MICAL3: variants seen among roughly 807,000 people sequenced by gnomAD.
The protein encoded by MICAL3 is [F-actin]-monooxygenase MICAL3.
In MICAL3, 62 loss-of-function variants were observed where a neutral mutation model predicts 207.4. The observed-to-expected ratio is 0.30, with a 90% CI of 0.24 to 0.37. The LOEUF (loss-of-function observed/expected upper bound fraction) is 0.37, where lower values mean the gene tolerates loss of function less well. MICAL3 is among the 10% of genes least tolerant of loss of function. The pLI is 1.00. For synonymous variants in MICAL3, 1,077 were observed against 1,069.3 expected (o/e 1.01, Z -0.14); for missense variants, 2,368 against 2,635.6 (o/e 0.90, Z 2.22).
At chr22:17,930,737 C>G (rs28655997) in intron 1 of MICAL3, among the ~76,000 whole-genome samples, 4,349 of 152,292 alleles carry the variant, frequency 0.029, 194 homozygotes, top group African/African-American at 0.094. Flanking sequence ...CAGTTAGAGT[C>G]TGAGTTAGAA....
intron 1 of MICAL3, among the ~76,000 whole-genome samples, chr22:18,018,768 CT>C (rs1569169322): frequency 5.9e-4 from 82 of 138,282 alleles, no homozygotes; most frequent in Admixed American, 3.3e-3. Context: ...ATCTATCTAT[CT>C]ACACACACAC....
At chr22:17,864,382 G>C in intron 19 of MICAL3, 3 of 1,313,000 alleles carry the variant, frequency 2.3e-6, no homozygotes, top group South Asian at 1.8e-5. Context: ...ACAGTGACAG[G>C]GAACAGGACG....
intron 15 of MICAL3, 56 bp from the exon 16 acceptor site, chr22:17,886,107 C>T: frequency 6.3e-7 from 1 of 1,588,144 alleles, no homozygotes; most frequent in Non-Finnish European, 8.6e-7. Flanking sequence ...TCCCCCCATG[C>T]CCCTCCCTCA....
Position 17,791,091 on chromosome 22 carries a change from G to A in MICAL3, c.5751-20C>T. The A allele has an allele frequency of 6.2e-7, 1 of 1,609,616 alleles. No individual in the cohort carries two copies. Among genetic ancestry groups the A allele is most frequent in the Non-Finnish European group, 8.5e-7 (1 of 1,178,784 alleles). On this transcript the variant is annotated intron_variant, in intron 30 of 31. Transcript: ENST00000441493. The stretch of plus-strand genomic sequence containing the variant: ...CGGGCACTGAGGAGGCAGGGCAGGA[G>A]GGAGACAAGCCACAGTGACTGGGGA...
intron 1 of MICAL3, among the ~76,000 whole-genome samples, chr22:17,977,640 G>A (rs957789755): frequency 2.0e-5 from 3 of 152,218 alleles, no homozygotes; most frequent in African/African-American, 2.4e-5. Context: ...TGCAACTTTG[G>A]AAAAGTTTGA....
At position 17,887,483 on chromosome 22, in the gene MICAL3, G is replaced by A. The variant is rs375664360; in HGVS notation, c.1892-48C>T. The stretch of plus-strand genomic sequence containing the variant: ...TTCAAGCACAGCCCTTGAGGGCGCC[G>A]CAAAATCCTGACCAAAACTACTCTC... On this transcript the variant is annotated intron_variant, in intron 13 of 31. Transcript: ENST00000441493. 262 of 1,326,884 alleles carry A rather than the reference G, an allele frequency of 2.0e-4. 1 individual carries two copies. Among genetic ancestry groups the A allele is most frequent in the South Asian group, 3.2e-4 (26 of 80,162 alleles). 82.2% of individuals were successfully genotyped at this position (1,326,884 alleles called of 1,614,324 possible). A position where few individuals can be genotyped will look rare whatever the true frequency, so the allele number is the denominator to read the frequency against.
chr22:17,964,848 T>G (rs1487022007), intron 1 of MICAL3, among the ~76,000 whole-genome samples: 1 of 152,226 alleles, frequency 6.6e-6, no homozygotes, highest in Non-Finnish European at 1.5e-5. Context: ...GCTGGGACAC[T>G]GGCTGGTTCA....
chr22:17,853,008 G>A (rs1346977883), intron 19 of MICAL3, among the ~76,000 whole-genome samples: 2 of 151,696 alleles, frequency 1.3e-5, no homozygotes, highest in Non-Finnish European at 2.9e-5. Context: ...CTGGGAGATG[G>A]AGGCTGCAGT....
intron 16 of MICAL3, chr22:17,876,790 TTAGGGAAGTTATG>T (rs1928462759): frequency 7.9e-6 from 1 of 126,144 alleles, no homozygotes; most frequent in Non-Finnish European, 1.7e-5. Context: ...GTTAGGGAGG[TTAGGGAAGTTATG>T]GAGGTTAGGG....
chr22:17,859,723 C>A (rs548840462), intron 19 of MICAL3, among the ~76,000 whole-genome samples: 126 of 152,292 alleles, frequency 8.3e-4, no homozygotes, highest in African/African-American at 3.0e-3. Context: ...GACAGACACG[C>A]CCCTGGCCCC....
At chr22:17,965,137 A>C (rs1005395100) in intron 1 of MICAL3, among the ~76,000 whole-genome samples, 3 of 151,376 alleles carry the variant, frequency 2.0e-5, no homozygotes, top group Non-Finnish European at 4.4e-5. Flanking sequence ...ATTTAAAAAG[A>C]AGAGAGTTTG....
intron 1 of MICAL3, among the ~76,000 whole-genome samples, chr22:17,930,952 ACAG>A (rs1332811148): frequency 6.6e-6 from 1 of 152,210 alleles, no homozygotes; most frequent in Non-Finnish European, 1.5e-5. Flanking sequence ...ACCCAACTGG[ACAG>A]CAGCTTCCCA....
chr22:17,938,450 T>C (rs1459255903), intron 1 of MICAL3, among the ~76,000 whole-genome samples: 1 of 152,064 alleles, frequency 6.6e-6, no homozygotes, highest in African/African-American at 2.4e-5. Flanking sequence ...ACAGATTTGG[T>C]AGGGGTGGGC....
intron 1 of MICAL3, among the ~76,000 whole-genome samples, chr22:17,942,148 G>A (rs773659867): frequency 6.6e-6 from 1 of 152,224 alleles, no homozygotes; most frequent in Non-Finnish European, 1.5e-5. Flanking sequence ...CTCTCCAGAG[G>A]TGCAGCCACA....
chr22:17,886,135 C>G lies in MICAL3; in HGVS notation c.2068-84G>C, dbSNP rs1179086371. 6.2e-6 allele frequency: 9 copies of G among 1,454,558 alleles called. No individual in the cohort carries two copies. The African/African-American group carries it at 8.3e-5, about 13-fold the overall frequency. 90.1% of individuals were successfully genotyped at this position (1,454,558 alleles called of 1,614,324 possible). On this transcript the variant is annotated intron_variant, in intron 15 of 31. Coordinates refer to ENST00000441493, the MANE Select transcript of MICAL3 (RefSeq NM_015241.3). The stretch of plus-strand genomic sequence containing the variant: ...CTCCCTCACAGAAGTGCACTCAGGA[C>G]CTGGCATGGGGGCTGGTGGACTGGC...
chr22:17,998,171 G>A (rs1922509043), intron 1 of MICAL3, among the ~76,000 whole-genome samples: 1 of 152,192 alleles, frequency 6.6e-6, no homozygotes, highest in Non-Finnish European at 1.5e-5. Context: ...GGGCGTGGTG[G>A]CAGGTGCCTG....
At chr22:17,822,268 A>G (rs1921726220) in intron 23 of MICAL3, 98 bp from the exon 24 acceptor site, 1 of 1,430,092 alleles carries the variant, frequency 7.0e-7, no homozygotes, top group African/African-American at 1.4e-5. Flanking sequence ...TTTGCAACAC[A>G]GCTGCTCAGG....
intron 1 of MICAL3, among the ~76,000 whole-genome samples, chr22:17,935,116 G>A (rs1316818759): frequency 6.6e-6 from 1 of 152,096 alleles, no homozygotes; most frequent in Non-Finnish European, 1.5e-5. Context: ...AGCCCGCATT[G>A]CCAAGACAAT....
In MICAL3 at chr22:17,822,302, C is replaced by T. The variant is rs561329007; in HGVS notation, c.3308-132G>A. On this transcript the variant is annotated intron_variant, in intron 23 of 31. Transcript: ENST00000441493. ...GGTGCAGGCCTGGAGGCCCTTCTTA[C>T]GCAGGGACAGACCTGCCTACCAGAC... The T allele has an allele frequency of 3.6e-4, 434 of 1,195,956 alleles. 5 individuals are homozygous for T. The South Asian group carries it at 6.1e-3, about 17-fold the overall frequency. 74.1% of individuals were successfully genotyped at this position (1,195,956 alleles called of 1,614,324 possible). A position where few individuals can be genotyped will look rare whatever the true frequency, so the allele number is the denominator to read the frequency against.
Sources: gnomAD v4.1 joint callset for allele counts (sites outside exome capture counted in the v4.1 genomes callset) on GRCh38, gnomAD v4.1.1 for gene constraint, MANE v1.5 for transcripts, NCBI Gene and HGNC (gene_info 2026-07-23, HGNC 2026-07-21) for gene names.